The following SRGAP2 variants were observed in gnomAD, a reference collection of about 807,000 sequenced individuals.
SRGAP2 encodes the protein SLIT-ROBO Rho GTPase activating protein 2, also known as SLIT-ROBO Rho GTPase-activating protein 2.
In SRGAP2, 15 loss-of-function variants were observed where a neutral mutation model predicts 57.2. That is an observed-to-expected ratio of 0.26 (90% confidence interval 0.18 to 0.40). SRGAP2 has a LOEUF of 0.40. Among genes scored for constraint, SRGAP2 ranks in the 10% least tolerant of loss-of-function variants. The pLI is 1.00. For missense variants in SRGAP2, 520 were observed against 669.6 expected (o/e 0.78, Z 2.47); for synonymous variants, 249 against 248.0 (o/e 1.00, Z -0.04).
chr1:206,331,659 T>G (rs1213645325), intron 3 of SRGAP2, among the ~76,000 whole-genome samples: 2 of 106,494 alleles, frequency 1.9e-5, no homozygotes, highest in Non-Finnish European at 3.6e-5. Context: ...TCCATTTGCT[T>G]GGTAGATCTT....
chr1:206,306,830 G>A (rs1672236405), intron 3 of SRGAP2, among the ~76,000 whole-genome samples: 1 of 152,186 alleles, frequency 6.6e-6, no homozygotes, highest in Admixed American at 6.5e-5. Flanking sequence ...ACAGGGTGCT[G>A]ATTGGTGTGT....
At chr1:206,228,838 A>T in intron 2 of SRGAP2, among the ~76,000 whole-genome samples, 1 of 151,218 alleles carries the variant, frequency 6.6e-6, no homozygotes, top group Non-Finnish European at 1.5e-5. Flanking sequence ...AAAAAAAAAA[A>T]AAAAAGATTA....
chr1:206,309,740 C>T (rs533431515), intron 3 of SRGAP2, among the ~76,000 whole-genome samples: 28 of 151,696 alleles, frequency 1.8e-4, no homozygotes, highest in South Asian at 4.2e-4. Flanking sequence ...CAGGTGGAGA[C>T]GGCATACTGC....
At chr1:206,442,246 G>C (rs1662372368) in intron 17 of SRGAP2, among the ~76,000 whole-genome samples, 1 of 152,158 alleles carries the variant, frequency 6.6e-6, no homozygotes, top group Non-Finnish European at 1.5e-5. Flanking sequence ...GGTTGTGTCT[G>C]CTCTATTCAT....
chr1:206,423,132 C>G (rs1660462089), intron 13 of SRGAP2, among the ~76,000 whole-genome samples: 1 of 152,142 alleles, frequency 6.6e-6, no homozygotes, highest in South Asian at 2.1e-4. Flanking sequence ...TAGGTTTAAA[C>G]CATCCCAGAC....
At chr1:206,319,284 G>T (rs1558304106) in intron 3 of SRGAP2, among the ~76,000 whole-genome samples, 1 of 147,524 alleles carries the variant, frequency 6.8e-6, no homozygotes, top group Non-Finnish European at 1.5e-5. Context: ...GGTGGCGGGT[G>T]CCTGTCGTCC....
chr1:206,238,988 A>AT (rs1224089109), intron 2 of SRGAP2, among the ~76,000 whole-genome samples: 83 of 152,142 alleles, frequency 5.5e-4, no homozygotes, highest in African/African-American at 1.9e-3. Flanking sequence ...GAAGGGCTCC[A>AT]TTTGGGAGCA....
intron 18 of SRGAP2, among the ~76,000 whole-genome samples, chr1:206,448,621 T>A (rs1380943250): frequency 6.6e-6 from 1 of 152,096 alleles, no homozygotes; most frequent in African/African-American, 2.4e-5. Flanking sequence ...ACAGGAACTC[T>A]GAAGATGGGG....
At chr1:206,435,164 T>C (rs1235608684) in intron 14 of SRGAP2, among the ~76,000 whole-genome samples, 1 of 152,164 alleles carries the variant, frequency 6.6e-6, no homozygotes, top group African/African-American at 2.4e-5. Context: ...GTAACTATAT[T>C]TCCTCTGCTT....
At chr1:206,312,861 C>T (rs1672761100) in intron 3 of SRGAP2, among the ~76,000 whole-genome samples, 1 of 151,758 alleles carries the variant, frequency 6.6e-6, no homozygotes, top group Non-Finnish European at 1.5e-5. Context: ...TAAATGTATT[C>T]CTATTTGTTG....
At chr1:206,263,079 T>C (rs1669665691) in intron 2 of SRGAP2, among the ~76,000 whole-genome samples, 1 of 151,220 alleles carries the variant, frequency 6.6e-6, no homozygotes, top group Admixed American at 6.6e-5. Context: ...CTTTTTTTTT[T>C]CCTATAAAGG....
In SRGAP2 at chr1:206,431,929, C is replaced by T. The variant is rs74145643; in HGVS notation, c.1555+1707C>T. On this transcript the variant is annotated intron_variant, in intron 14 of 22. Transcript: ENST00000573034. ...ATCCTTGCCATATGCAGGAAGCCAG[C>T]GTAGCTGGAGCAGAGCAAATGAAAA... is the stretch of plus-strand genomic sequence containing the variant. Among the ~76,000 whole-genome samples the T allele has an allele frequency of 5.4e-3, 827 of 152,294 alleles. 6 individuals are homozygous for T. The highest frequency in any genetic ancestry group is 0.019 in the African/African-American group (791 of 41,564).
rs1654769410 is a variant in SRGAP2 at position 206,372,969 on chromosome 1, CTTTCTTTCTTTCTTTCTTTCTTT to C, written c.424-11044_424-11022del. ...TTTCTTTCTTTCTTTTCTTTCCTTTCTTTCTTTCTTTCTTTCTTTCTTTCTTTCTTTCTTTCTTTCTTTCTTTC... is the reference window on the plus strand; with the variant it reads ...TTTCTTTCTTTCTTTTCTTTCCTTTCCTTTCTTTCTTTCTTTCTTTCTTTC... On this transcript the variant is annotated intron_variant, in intron 4 of 22. Transcript: ENST00000573034. Among the ~76,000 whole-genome samples the C allele has an allele frequency of 2.6e-4, 3 of 11,620 alleles. 1 individual carries two copies. Among genetic ancestry groups the C allele is most frequent in the African/African-American group, 7.7e-4 (2 of 2,584 alleles). 7.6% of individuals were successfully genotyped at this position (11,620 alleles called of 152,430 possible).
intron 3 of SRGAP2, chr1:206,312,041 T>C (rs1672683233): frequency 6.6e-6 from 1 of 152,394 alleles, no homozygotes; most frequent in South Asian, 2.1e-4. Flanking sequence ...TTGATTTTGC[T>C]GACTCTAGGA....
chr1:206,292,159 T>C (rs1475597321), intron 2 of SRGAP2, among the ~76,000 whole-genome samples: 6 of 152,298 alleles, frequency 3.9e-5, no homozygotes, highest in Admixed American at 3.9e-4. Flanking sequence ...CACATAACTA[T>C]GTGAAGCTAC....
At chr1:206,451,737 C>T (rs1663325019) in intron 19 of SRGAP2, among the ~76,000 whole-genome samples, 1 of 152,200 alleles carries the variant, frequency 6.6e-6, no homozygotes, top group Non-Finnish European at 1.5e-5. Flanking sequence ...TATGTTATCT[C>T]TTAATCTGTA....
chr1:206,418,644 G>T (rs1659970712), intron 11 of SRGAP2, among the ~76,000 whole-genome samples: 2 of 152,088 alleles, frequency 1.3e-5, no homozygotes. Flanking sequence ...TACTTCTCAT[G>T]AACTTGAAGA....
intron 4 of SRGAP2, among the ~76,000 whole-genome samples, chr1:206,378,273 A>C (rs1453941217): frequency 7.9e-5 from 12 of 152,034 alleles, no homozygotes; most frequent in Non-Finnish European, 1.6e-4. Flanking sequence ...TGAAGCCAGG[A>C]GTTTGAGACC....
chr1:206,382,706 A>G (rs1269528784), intron 4 of SRGAP2, among the ~76,000 whole-genome samples: 1 of 150,902 alleles, frequency 6.6e-6, no homozygotes, highest in Non-Finnish European at 1.5e-5. Flanking sequence ...TTAAGTAGAG[A>G]TGTATGTACC....
Sources: allele counts gnomAD v4.1 joint callset (sites outside exome capture counted in the v4.1 genomes callset), GRCh38; gene constraint gnomAD v4.1.1; transcripts MANE v1.5; gene names NCBI Gene and HGNC (gene_info 2026-07-23, HGNC 2026-07-21).